The following WRNIP1 variants were observed in gnomAD, a reference collection of about 807,000 sequenced individuals.
WRNIP1 encodes the protein ATPase WRNIP1.
Under a neutral mutation model 56.1 loss-of-function variants are expected in WRNIP1, and 41 were observed. That is an observed-to-expected ratio of 0.73 (90% CI 0.57 to 0.95). WRNIP1 has a LOEUF of 0.95. WRNIP1 is among the 40% of genes least tolerant of loss of function. The pLI is 0.00. For synonymous variants in WRNIP1, 547 were observed against 398.1 expected, an observed-to-expected ratio of 1.37 and a Z score of -4.45; for missense variants, 1,170 against 939.4, an observed-to-expected ratio of 1.25 and a Z score of -3.21.
intron 4 of WRNIP1, 39 bp from the exon 5 acceptor site, chr6:2,783,367 C>A: frequency 6.6e-7 from 1 of 1,509,998 alleles, no homozygotes; most frequent in Non-Finnish European, 8.9e-7. Context: ...GGCGCCCCTC[C>A]TGTGAGCTCT....
chr6:2,780,983 C>T (rs1011055237), intron 4 of WRNIP1, among the ~76,000 whole-genome samples: 2 of 152,084 alleles, frequency 1.3e-5, no homozygotes, highest in Admixed American at 1.3e-4. Flanking sequence ...TAATATTACC[C>T]CCATTTTAAG....
intron 2 of WRNIP1, 62 bp from the exon 3 acceptor site, chr6:2,770,058 A>C: frequency 6.2e-7 from 1 of 1,604,026 alleles, no homozygotes; most frequent in South Asian, 1.1e-5. Flanking sequence ...GCCAACTTAC[A>C]TAGGATTCTG....
At chr6:2,768,654 C>A (rs1446141528) in intron 1 of WRNIP1, 37 bp from the exon 2 acceptor site, 3 of 1,549,564 alleles carry the variant, frequency 1.9e-6, no homozygotes, top group Non-Finnish European at 2.6e-6. Context: ...CTGTGTCTTA[C>A]CAGCTTTTCA....
rs1309862208 is a variant in WRNIP1, at chr6:2,766,457, T to TGC, written c.822+13_822+14insGC. ...GGGCTGCGGCAAGGTGAGTGCGGCCTTGGCCGTTGGGCTTCCGTAGTTATC... is the reference window on the plus strand; with the variant it reads ...GGGCTGCGGCAAGGTGAGTGCGGCCTGCTGGCCGTTGGGCTTCCGTAGTTATC... On this transcript the variant is annotated intron_variant, in intron 1 of 6. Transcript: ENST00000380773. The TGC allele has an allele frequency of 4.7e-6, 7 of 1,502,210 alleles. No individual in the cohort carries two copies. The African/African-American group carries it at 6.9e-5, about 15-fold the overall frequency. 93.1% of individuals were successfully genotyped at this position (1,502,210 alleles called of 1,614,324 possible).
In WRNIP1 at chr6:2,765,665, C is replaced by G. The variant is rs200233974; in HGVS notation, c.43C>G (p.Leu15Val). 104 of 1,551,422 alleles carry G rather than the reference C, an allele frequency of 6.7e-5. No homozygotes were observed. In the African/African-American group the frequency reaches 1.0e-3, roughly 15 times the overall value. The part of the protein sequence containing the change: ...GPEDDPFLSQ[L>V]HQVQCPVCQQ... The stretch of plus-strand genomic sequence containing the variant: ...GGAAGACGACCCCTTCCTTTCGCAG[C>G]TGCACCAGGTGCAGTGCCCCGTGTG... Residue 15 changes from leucine to valine, a missense_variant, in exon 1 of 7, where the codon CTG becomes GTG. Physicochemically the swap from Leu to Val is conservative, Grantham distance 32. Coordinates refer to ENST00000380773, the MANE Select transcript of WRNIP1 (RefSeq NM_020135.3).
chr6:2,773,571 A>C, intron 3 of WRNIP1: 2 of 985,440 alleles, frequency 2.0e-6, no homozygotes, highest in East Asian at 1.1e-4. Context: ...CACATGATAC[A>C]AACAGTGAAG....
rs369438854 is a variant in WRNIP1 at position 2,770,250 on chromosome 6, T to C, written c.1145T>C (p.Val382Ala). 2.5e-6 allele frequency: 4 copies of C among 1,614,204 alleles called. No individual in the cohort carries two copies. Among genetic ancestry groups the C allele is most frequent in the Non-Finnish European group, 3.4e-6 (4 of 1,180,040 alleles). ...GTGATTGTTCTTGAGAAGCTTCCAGTAGAGGCAATGGTGACTATTTTAATG... is the reference window on the plus strand; with the variant it reads ...GTGATTGTTCTTGAGAAGCTTCCAGCAGAGGCAATGGTGACTATTTTAATG... ...CRVIVLEKLP[V>A]EAMVTILMRA... Residue 382 changes from valine (V) to alanine (A), a missense_variant, in exon 3 of 7, where the codon GTA (valine) becomes GCA (alanine). By Grantham distance (64) the Val-to-Ala change is moderately conservative. Transcript: ENST00000380773.
chr6:2,766,204 C>T lies in WRNIP1; in HGVS notation c.582C>T (p.Ala194=). ...DDPGHWDADA[A]EAATAFGASG... ...CGGGGCACTGGGACGCGGACGCTGC[C>T]GAAGCCGCCACCGCCTTCGGGGCCA... The change falls in exon 1 of 7, where the codon GCC becomes GCT. Residue 194 remains alanine (A), a synonymous_variant. Transcript: ENST00000380773. 1.4e-6 allele frequency: 2 copies of T among 1,441,138 alleles called. No homozygotes were observed. The highest frequency in any genetic ancestry group is 1.8e-6 in the Non-Finnish European group (2 of 1,095,096). 89.3% of individuals were successfully genotyped at this position (1,441,138 alleles called of 1,614,324 possible). A position where few individuals can be genotyped will look rare whatever the true frequency, so the allele number is the denominator to read the frequency against.
intron 4 of WRNIP1, 46 bp from the exon 5 acceptor site, chr6:2,783,360 G>A (rs372362394): frequency 1.4e-5 from 21 of 1,487,276 alleles, no homozygotes; most frequent in East Asian, 2.5e-5. Flanking sequence ...TGGCTTGGGC[G>A]CCCCTCCTGT....
chr6:2,766,448 A>G lies in WRNIP1; in HGVS notation c.822+4A>G. ...GGGGCCGCCGGGCTGCGGCAAGGTG[A>G]GTGCGGCCTTGGCCGTTGGGCTTCC... On this transcript the variant is annotated splice_donor_region_variant and intron_variant, in intron 1 of 6. Transcript: ENST00000380773. 1 of 1,527,452 alleles carries G rather than the reference A, an allele frequency of 6.5e-7. No homozygotes were observed. The highest frequency in any genetic ancestry group is 8.9e-7 in the Non-Finnish European group (1 of 1,127,332). The allele number at this position is 1,527,452 out of a possible 1,614,324, so 94.6% of individuals were successfully genotyped here. A position where few individuals can be genotyped will look rare whatever the true frequency, so the allele number is the denominator to read the frequency against.
At position 2,779,481 on chromosome 6, in the gene WRNIP1, A is replaced by G. The variant is rs1423554228; in HGVS notation, c.1475A>G (p.Tyr492Cys). 1.9e-6 allele frequency: 3 copies of G among 1,613,518 alleles called. No homozygotes were observed. Among genetic ancestry groups the G allele is most frequent in the South Asian group, 1.1e-5 (1 of 91,022 alleles). ...KEGLQRSHIL[Y>C]DRAGEEHYNC... ...GGCCTACAGCGATCCCACATTTTAT[A>G]TGACCGGGCAGGTAAGTAATTCACC... Residue 492 changes from tyrosine (Y) to cysteine (C), a missense_variant, in exon 4 of 7, where the codon TAT (tyrosine) becomes TGT (cysteine). Tyr to Cys is a radical substitution (Grantham distance 194). Coordinates refer to ENST00000380773, the MANE Select transcript of WRNIP1 (RefSeq NM_020135.3).
At chr6:2,780,444 T>C (rs1765528586) in intron 4 of WRNIP1, among the ~76,000 whole-genome samples, 1 of 152,188 alleles carries the variant, frequency 6.6e-6, no homozygotes, top group African/African-American at 2.4e-5. Flanking sequence ...CCAAAGCTTT[T>C]TGGCTTTAGC....
At chr6:2,784,206 A>C (rs936502814) in intron 5 of WRNIP1, 118 bp from the exon 6 acceptor site, 2 of 823,870 alleles carry the variant, frequency 2.4e-6, no homozygotes, top group Non-Finnish European at 3.8e-6. Flanking sequence ...GTTTTGCTAC[A>C]TGGGATTGTT....
At chr6:2,770,766 C>T (rs1003721856) in intron 3 of WRNIP1, among the ~76,000 whole-genome samples, 9 of 151,764 alleles carry the variant, frequency 5.9e-5, no homozygotes, top group African/African-American at 2.2e-4. Flanking sequence ...GAGCATTGTA[C>T]TCATGTTTCA....
At chr6:2,770,039 G>A in intron 2 of WRNIP1, 81 bp from the exon 3 acceptor site, 1 of 1,578,080 alleles carries the variant, frequency 6.3e-7, no homozygotes, top group Non-Finnish European at 8.6e-7. Flanking sequence ...GAAAAGGAAG[G>A]AAGGGATAGC....
chr6:2,774,744 C>T (rs765817177), intron 3 of WRNIP1, among the ~76,000 whole-genome samples: 26 of 152,196 alleles, frequency 1.7e-4, no homozygotes, highest in Non-Finnish European at 3.7e-4. Flanking sequence ...AACAGAAAGA[C>T]GTCGTCATCT....
intron 4 of WRNIP1, among the ~76,000 whole-genome samples, chr6:2,781,073 T>G (rs1303910503): frequency 1.3e-5 from 2 of 152,200 alleles, no homozygotes; most frequent in African/African-American, 4.8e-5. Context: ...CCGTCCGCAT[T>G]TGCCTCCACA....
chr6:2,765,836 C>T lies in WRNIP1; in HGVS notation c.214C>T (p.Arg72Trp), dbSNP rs1435949804. 13 of 1,379,766 alleles carry T rather than the reference C, an allele frequency of 9.4e-6. No individual in the cohort carries two copies. Among genetic ancestry groups the T allele is most frequent in the African/African-American group, 3.0e-5 (2 of 66,030 alleles). 85.5% of individuals were successfully genotyped at this position (1,379,766 alleles called of 1,614,324 possible). Residue 72 changes from arginine (R) to tryptophan (W), a missense_variant, in exon 1 of 7, where the codon CGG (arginine) becomes TGG (tryptophan). By Grantham distance (101) the Arg-to-Trp change is moderately radical. Coordinates refer to ENST00000380773, the MANE Select transcript of WRNIP1 (RefSeq NM_020135.3). The stretch of plus-strand genomic sequence containing the variant: ...GCCCTCGCCGCCCGGCGCCAAGAGG[C>T]GGCGGCTGTCGGAGAGCTCGGCGCT... ...KGPSPPGAKR[R>W]RLSESSALKQ...
In WRNIP1 at chr6:2,766,174, C is replaced by A. The variant is rs559266685; in HGVS notation, c.552C>A (p.Asp184Glu). 4,264 of 1,343,960 alleles carry A rather than the reference C, an allele frequency of 3.2e-3. 9 individuals carry two copies. Among genetic ancestry groups the A allele is most frequent in the Non-Finnish European group, 3.8e-3 (4,007 of 1,053,056 alleles). The allele number at this position is 1,343,960 out of a possible 1,614,324, so 83.3% of individuals were successfully genotyped here. The part of the protein sequence containing the change: ...GDGDADADGE[D>E]DPGHWDADAA... ...GGGACGCGGACGCGGACGGCGAGGA[C>A]GACCCGGGGCACTGGGACGCGGACG... Residue 184 changes from aspartate to glutamate, a missense_variant, in exon 1 of 7, where the codon GAC becomes GAA. Coordinates refer to ENST00000380773, the MANE Select transcript of WRNIP1 (RefSeq NM_020135.3).
Sources: allele counts gnomAD v4.1 joint callset (sites outside exome capture counted in the v4.1 genomes callset), GRCh38; gene constraint gnomAD v4.1.1; transcripts MANE v1.5; gene names NCBI Gene and HGNC (gene_info 2026-07-23, HGNC 2026-07-21).